The following EVC variants were observed in gnomAD, a reference collection of about 807,000 sequenced individuals.
EVC encodes evC complex member EVC.
A neutral mutation model predicts 118.9 loss-of-function variants in EVC; 116 were observed. That is an observed-to-expected ratio of 0.98 (90% CI 0.84 to 1.14). EVC has a LOEUF of 1.14. EVC is among the 50% of genes most tolerant of loss of function. The probability of loss-of-function intolerance (pLI) is 0.00; values close to 1 mark genes in which losing one functional copy is unlikely to be tolerated. For synonymous variants in EVC, 619 were observed against 534.7 expected (o/e 1.16, Z -2.18); for missense variants, 1,401 against 1,246.4 (o/e 1.12, Z -1.87).
the EVC span, among the ~76,000 whole-genome samples, chr4:5,824,090 T>C: frequency 1.3e-5 from 2 of 152,214 alleles, no homozygotes; most frequent in East Asian, 3.9e-4. Flanking sequence ...TTTAACTTCA[T>C]TGTTATTCTT....
In EVC at chr4:5,742,129, A is replaced by G. The variant is rs951660624; in HGVS notation, c.801+315A>G. ...CATAATTTGTTTATTGGTTATAGCT[A>G]TGTATACTACTTTGTATTCTATTCT... is the stretch of plus-strand genomic sequence containing the variant. On this transcript the variant is annotated intron_variant, in intron 6 of 20. Transcript: ENST00000264956. This position sits in a 1 kb window ranked among gnomAD's most constrained non-coding sequence, Gnocchi z 5.2. 3.9e-5 allele frequency among the ~76,000 whole-genome samples: 6 copies of G among 152,184 alleles called. No homozygotes were observed. The highest frequency in any genetic ancestry group is 4.8e-5 in the African/African-American group (2 of 41,448).
rs760527698 is a variant in EVC at position 5,731,490 on chromosome 4, C to T, written c.450C>T (p.His150=). ...ACTTAAAGCAGGCTGTTTTGCCACA[C>T]CAGCCGGTAGAGGCCTCTCCTTCCA... is the stretch of plus-strand genomic sequence containing the variant. The part of the protein sequence containing the change: ...HENLKQAVLP[H]QPVEASPSSS... Residue 150 remains histidine (H), a synonymous_variant, in exon 4 of 21, where the codon CAC becomes CAT. Coordinates refer to ENST00000264956, the MANE Select transcript of EVC (RefSeq NM_153717.3). The surrounding 1 kb of genome is among the most constrained non-coding windows in gnomAD (Gnocchi z 5.6). The T allele has an allele frequency of 1.9e-6, 3 of 1,614,032 alleles. No homozygotes were observed. The highest frequency in any genetic ancestry group is 2.7e-5 in the African/African-American group (2 of 74,904).
At chr4:5,753,725 C>T in intron 9 of EVC, 60 bp from the exon 10 acceptor site, 1 of 1,606,614 alleles carries the variant, frequency 6.2e-7, no homozygotes, top group Non-Finnish European at 8.5e-7. Flanking sequence ...GCATGAGGGT[C>T]CCCACTGAAA....
intron 2 of EVC, among the ~76,000 whole-genome samples, chr4:5,725,760 T>A (rs781154989): frequency 6.6e-6 from 1 of 152,236 alleles, no homozygotes; most frequent in Admixed American, 6.5e-5. Context: ...TGCGGTTGTT[T>A]TTGGCATTTT....
Position 5,731,670 on chromosome 4 carries a change from G to T in EVC, c.617+13G>T. 6.2e-7 allele frequency: 1 copy of T among 1,610,030 alleles called. No homozygotes were observed. The highest frequency in any genetic ancestry group is 1.1e-5 in the South Asian group (1 of 90,608). ...TGGCCTGCGAGAGGTAAGGAGAGCG[G>T]GCAATGGAGGATGAGGCTTCCAGTC... On this transcript the variant is annotated intron_variant, in intron 4 of 20. Transcript: ENST00000264956. This position sits in a 1 kb window ranked among gnomAD's most constrained non-coding sequence, Gnocchi z 5.6.
chr4:5,811,096 T>C lies in EVC; in HGVS notation c.*59T>C. ...CCTGGGTCTGGGTGTGAATTCCACC[T>C]TCCCTCCTGCAGTGCTGAGAGGCAG... On this transcript the variant is annotated 3_prime_UTR_variant, in exon 21 of 21. Coordinates refer to ENST00000264956, the MANE Select transcript of EVC (RefSeq NM_153717.3). 5 of 1,390,446 alleles carry C rather than the reference T, an allele frequency of 3.6e-6. No homozygotes were observed. The South Asian group carries it at 4.9e-5, about 14-fold the overall frequency. The allele number at this position is 1,390,446 out of a possible 1,614,324, so 86.1% of individuals were successfully genotyped here.
At chr4:5,820,423 T>TGGAA in the EVC span, among the ~76,000 whole-genome samples, 17 of 152,208 alleles carry the variant, frequency 1.1e-4, no homozygotes, top group African/African-American at 3.1e-4. Context: ...CTCATGGAAA[T>TGGAA]GGAAGGAAGA....
rs753109171 is a variant in EVC at position 5,745,172 on chromosome 4, T to C, written c.802-32T>C. The C allele has an allele frequency of 3.1e-6, 5 of 1,606,848 alleles. No individual in the cohort carries two copies. In the South Asian group the frequency reaches 4.5e-5, roughly 14 times the overall value. Reference sequence around the variant, plus strand: ...AGACACGCTAAACTTTTTCTTTGTTTATTTGCTTTCTTTTTTCTTCTTCTT... The same window carrying C: ...AGACACGCTAAACTTTTTCTTTGTTCATTTGCTTTCTTTTTTCTTCTTCTT... On this transcript the variant is annotated intron_variant, in intron 6 of 20. Coordinates refer to ENST00000264956, the MANE Select transcript of EVC (RefSeq NM_153717.3).
chr4:5,791,342 A>T (rs1313008503), intron 12 of EVC, among the ~76,000 whole-genome samples: 1 of 152,140 alleles, frequency 6.6e-6, no homozygotes, highest in Non-Finnish European at 1.5e-5. Flanking sequence ...AAAATAGACA[A>T]TTTTCAAAAC....
At chr4:5,733,140 A>G (rs990346090) in intron 4 of EVC, among the ~76,000 whole-genome samples, 2 of 152,040 alleles carry the variant, frequency 1.3e-5, no homozygotes, top group Non-Finnish European at 2.9e-5. Context: ...TCTGACACCA[A>G]CTGTTCTCTT....
chr4:5,714,875 G>A (rs1455129629), intron 1 of EVC, among the ~76,000 whole-genome samples: 4 of 152,106 alleles, frequency 2.6e-5, no homozygotes, highest in African/African-American at 9.7e-5. Context: ...CATGATCACA[G>A]TTCACAGTAG....
rs1017754156 is a variant in EVC, at chr4:5,783,720, C to T, written c.1732C>T (p.Gln578Ter). ...GGGGAAGTCAAATCGCTTCCGGAGG[C>T]AGCAGTGGAAACTCTTCCAGGAGCT... ...QLGKSNRFRRQQWKLFQELLE... is the reference protein window; with the variant it reads ...QLGKSNRFRR Residue 578 changes from glutamine (Q) to a stop codon, truncating the protein, a stop_gained, in exon 12 of 21, where the codon CAG (glutamine) becomes TAG (stop). Coordinates refer to ENST00000264956, the MANE Select transcript of EVC (RefSeq NM_153717.3). LOFTEE classifies it high-confidence loss of function. 6.2e-7 allele frequency: 1 copy of T among 1,613,874 alleles called. No individual in the cohort carries two copies. Among genetic ancestry groups the T allele is most frequent in the Non-Finnish European group, 8.5e-7 (1 of 1,179,866 alleles).
chr4:5,721,306 A>C (rs1351748444), intron 2 of EVC, among the ~76,000 whole-genome samples: 1 of 152,226 alleles, frequency 6.6e-6, no homozygotes, highest in African/African-American at 2.4e-5. Context: ...ATATGCAGAC[A>C]TTGGAAGGTT....
chr4:5,772,698 C>A (rs940958031), intron 11 of EVC, among the ~76,000 whole-genome samples: 2 of 152,076 alleles, frequency 1.3e-5, no homozygotes, highest in African/African-American at 4.8e-5. Context: ...ACCTGTCCAG[C>A]CTGGCCCATG....
At chr4:5,761,442 T>G (rs976718937) in intron 11 of EVC, among the ~76,000 whole-genome samples, 1 of 142,400 alleles carries the variant, frequency 7.0e-6, no homozygotes, top group Non-Finnish European at 1.5e-5. Flanking sequence ...TGGCTGTTTT[T>G]TCCAAAGAGG....
At chr4:5,753,676 C>A in intron 9 of EVC, 109 bp from the exon 10 acceptor site, 1 of 1,440,130 alleles carries the variant, frequency 6.9e-7, no homozygotes, top group Non-Finnish European at 9.8e-7. Flanking sequence ...ACCATCTCTG[C>A]AGCCGACACC....
chr4:5,815,788 C>T (rs748529939), downstream of EVC, among the ~76,000 whole-genome samples: 24 of 152,268 alleles, frequency 1.6e-4, no homozygotes, highest in South Asian at 6.2e-4. Flanking sequence ...TCGCACCTGA[C>T]GTCCCCCCTG....
intron 7 of EVC, among the ~76,000 whole-genome samples, chr4:5,747,223 T>G (rs1215122650): frequency 3.0e-5 from 4 of 131,572 alleles, no homozygotes; most frequent in Admixed American, 2.3e-4. Flanking sequence ...CTGACAGAGT[T>G]TCATGATCTT....
intron 3 of EVC, among the ~76,000 whole-genome samples, chr4:5,730,715 G>A (rs181133435): frequency 9.8e-4 from 149 of 152,144 alleles, no homozygotes; most frequent in Middle Eastern, 3.4e-3. Context: ...AGGAAGGGAC[G>A]CTTCTGCCCA....
Sources: allele counts gnomAD v4.1 joint callset (sites outside exome capture counted in the v4.1 genomes callset), GRCh38; gene constraint gnomAD v4.1.1; non-coding constraint Gnocchi (gnomAD v3.1); transcripts MANE v1.5; gene names NCBI Gene and HGNC (gene_info 2026-07-23, HGNC 2026-07-21).